Variants in GADL1 observed in about 807,000 individuals in gnomAD.
GADL1 encodes GAD like acidic amino acid decarboxylase 1.
A neutral mutation model predicts 69.5 loss-of-function variants in GADL1; 71 were observed. The ratio of observed to expected loss-of-function variants is 1.02; its 90% CI spans 0.84 to 1.25. GADL1 has a LOEUF of 1.25. Ranked by LOEUF, GADL1 falls within the 50% of genes most tolerant of loss-of-function variation. GADL1 has a pLI of 0.00. For synonymous variants in GADL1, 254 were observed against 214.4 expected, an observed-to-expected ratio of 1.18 and a Z score of -1.62; for missense variants, 737 against 631.8, an observed-to-expected ratio of 1.17 and a Z score of -1.79.
chr3:30,835,646 A>T lies in GADL1; in HGVS notation c.904-1365T>A, dbSNP rs191872798. On this transcript the variant is annotated intron_variant, in intron 9 of 14. Transcript: ENST00000282538. ...AGCTGGACTCTTGCAAGGCCCTAAG[A>T]GTGAATGCTTCTTAAAATTTGAGCC... is the stretch of plus-strand genomic sequence containing the variant. Among the ~76,000 whole-genome samples the T allele has an allele frequency of 7.9e-5, 12 of 152,144 alleles. No individual in the cohort carries two copies. The East Asian group carries it at 9.7e-4, about 12-fold the overall frequency.
At chr3:30,860,640 C>T (rs1314119834) in intron 2 of GADL1, among the ~76,000 whole-genome samples, 3 of 151,946 alleles carry the variant, frequency 2.0e-5, no homozygotes, top group Non-Finnish European at 2.9e-5. Flanking sequence ...ACCTCACTTT[C>T]AAAATCTTTT....
At chr3:30,774,775 T>C (rs999675086) in intron 14 of GADL1, among the ~76,000 whole-genome samples, 6 of 152,282 alleles carry the variant, frequency 3.9e-5, no homozygotes, top group African/African-American at 7.2e-5. Flanking sequence ...CTAAATATTA[T>C]ATTTACTATA....
intron 14 of GADL1, among the ~76,000 whole-genome samples, chr3:30,743,304 C>A (rs6783765): frequency 0.088 from 13,374 of 152,146 alleles, 1,561 homozygotes; most frequent in African/African-American, 0.27. Context: ...TATTACCAGG[C>A]AGCTTTTTAG....
chr3:30,838,638 A>G (rs1697911687), intron 9 of GADL1, among the ~76,000 whole-genome samples: 1 of 152,146 alleles, frequency 6.6e-6, no homozygotes, highest in Non-Finnish European at 1.5e-5. Flanking sequence ...CCAAAAGGCT[A>G]AGATCGCAAT....
intron 1 of GADL1, among the ~76,000 whole-genome samples, chr3:30,875,583 C>A (rs566862276): frequency 5.3e-4 from 81 of 152,028 alleles, no homozygotes; most frequent in African/African-American, 2.0e-3. Context: ...TTTCTGCAGA[C>A]ACTCTCACGA....
chr3:30,863,027 T>TCA (rs397875196), intron 1 of GADL1, among the ~76,000 whole-genome samples: 2,817 of 110,186 alleles, frequency 0.026, 24 homozygotes, highest in South Asian at 0.087. Flanking sequence ...CATGTCTGTT[T>TCA]CACACACACA....
At chr3:30,755,651 G>A (rs1198403824) in intron 14 of GADL1, among the ~76,000 whole-genome samples, 2 of 152,264 alleles carry the variant, frequency 1.3e-5, no homozygotes, top group Middle Eastern at 6.8e-3. Context: ...TTAAATGTCT[G>A]AATCCCCTGT....
At chr3:30,819,346 G>A (rs1376711393) in intron 11 of GADL1, among the ~76,000 whole-genome samples, 1 of 152,016 alleles carries the variant, frequency 6.6e-6, no homozygotes, top group Non-Finnish European at 1.5e-5. Flanking sequence ...TAACTATGAA[G>A]TGTAAAAGGT....
At chr3:30,891,676 A>C (rs1375059118) in intron 1 of GADL1, among the ~76,000 whole-genome samples, 4 of 152,328 alleles carry the variant, frequency 2.6e-5, no homozygotes, top group Admixed American at 2.6e-4. Flanking sequence ...AAAGCAGATC[A>C]TAATAGTATC....
intron 6 of GADL1, among the ~76,000 whole-genome samples, chr3:30,849,182 C>T (rs563655942): frequency 3.3e-5 from 5 of 152,136 alleles, no homozygotes; most frequent in Non-Finnish European, 7.4e-5. Context: ...AGCTGAGCCA[C>T]TCGTAGATGG....
chr3:30,861,624 A>C lies in GADL1; in HGVS notation c.179T>G (p.Val60Gly). 5.8e-6 allele frequency: 9 copies of C among 1,549,200 alleles called. No individual in the cohort carries two copies. Among genetic ancestry groups the C allele is most frequent in the Non-Finnish European group, 7.9e-6 (9 of 1,145,724 alleles). Residue 60 changes from valine (V) to glycine (G), a missense_variant, in exon 2 of 15, where the codon GTG (valine) becomes GGG (glycine). Transcript: ENST00000282538. ...EEACRLIMEE[V>G]VLKATDVNEK... is the part of the protein sequence containing the mutation. The stretch of plus-strand genomic sequence containing the variant: ...ATTGACATCTGTAGCTTTCAAAACC[A>C]CCTCTTCCATTATTAGCCTACAGGC...
intron 9 of GADL1, among the ~76,000 whole-genome samples, chr3:30,836,548 A>G (rs943143800): frequency 6.6e-6 from 1 of 152,086 alleles, no homozygotes; most frequent in African/African-American, 2.4e-5. Flanking sequence ...TTATTAAGCT[A>G]TTACTATATG....
At chr3:30,862,838 A>G (rs1167444108) in intron 1 of GADL1, among the ~76,000 whole-genome samples, 1 of 151,986 alleles carries the variant, frequency 6.6e-6, no homozygotes, top group African/African-American at 2.4e-5. Context: ...CTGTTGGCCA[A>G]TTTCTCTATG....
intron 12 of GADL1, among the ~76,000 whole-genome samples, chr3:30,789,393 G>T (rs1414452725): frequency 1.3e-5 from 2 of 152,168 alleles, no homozygotes; most frequent in Non-Finnish European, 2.9e-5. Flanking sequence ...TGCTGTCACA[G>T]GCTTTGTTCC....
At chr3:30,780,564 G>A (rs915415065) in intron 13 of GADL1, among the ~76,000 whole-genome samples, 1 of 152,114 alleles carries the variant, frequency 6.6e-6, no homozygotes, top group South Asian at 2.1e-4. Flanking sequence ...TCTTCTGAGT[G>A]GACTCTAATA....
In GADL1 at chr3:30,800,891, A is replaced by G; in HGVS notation, c.1248T>C (p.Ser416=). The change falls in exon 12 of 15, where the codon TCT becomes TCC. Residue 416 remains serine (S), a splice_region_variant and synonymous_variant. Coordinates refer to ENST00000282538, the MANE Select transcript of GADL1 (RefSeq NM_207359.3). ...GAGAGAGAGAGAGAGGCTAGTACCT[A>G]GATAAAGCAAGAGCACGATTAACTC... ...EERVNRALAL[S]RYLVDEIKKR... The G allele has an allele frequency of 1.2e-6, 2 of 1,606,388 alleles. No individual in the cohort carries two copies. Among genetic ancestry groups the G allele is most frequent in the Non-Finnish European group, 1.7e-6 (2 of 1,178,024 alleles).
chr3:30,766,432 C>A (rs1418559817), intron 14 of GADL1, among the ~76,000 whole-genome samples: 1 of 152,166 alleles, frequency 6.6e-6, no homozygotes, highest in African/African-American at 2.4e-5. Flanking sequence ...GGAAAAGGAA[C>A]CCCACATTTA....
intron 14 of GADL1, among the ~76,000 whole-genome samples, chr3:30,770,415 G>T (rs1219565599): frequency 6.6e-6 from 1 of 152,214 alleles, no homozygotes; most frequent in Non-Finnish European, 1.5e-5. Flanking sequence ...ATGTGCAAAT[G>T]TTACACAGAA....
chr3:30,788,317 T>C (rs1394107353), intron 12 of GADL1, among the ~76,000 whole-genome samples: 7 of 152,222 alleles, frequency 4.6e-5, no homozygotes, highest in African/African-American at 1.7e-4. Context: ...GGAAAGTTCC[T>C]CAGTGTATAT....
Sources: allele counts gnomAD v4.1 joint callset (sites outside exome capture counted in the v4.1 genomes callset), GRCh38; gene constraint gnomAD v4.1.1; transcripts MANE v1.5; gene names NCBI Gene and HGNC (gene_info 2026-07-23, HGNC 2026-07-21).